CACNB2: variants seen among roughly 807,000 people sequenced by gnomAD.
CACNB2 encodes the protein calcium voltage-gated channel auxiliary subunit beta 2.
Under a neutral mutation model 73.3 loss-of-function variants are expected in CACNB2, and 42 were observed. The ratio of observed to expected loss-of-function variants is 0.57; its 90% CI spans 0.45 to 0.74. The LOEUF is 0.74. Ranked by LOEUF, CACNB2 falls within the 30% of genes least tolerant of loss-of-function variation. The probability of loss-of-function intolerance (pLI) is 0.00; values close to 1 mark genes in which losing one functional copy is unlikely to be tolerated. For synonymous variants in CACNB2, 348 were observed against 310.3 expected (o/e 1.12, Z -1.28); for missense variants, 940 against 853.0 (o/e 1.10, Z -1.27).
chr10:18,514,470 G>A (rs754983745), intron 7 of CACNB2, 101 bp downstream of exon 7: 22 of 1,613,668 alleles, frequency 1.4e-5, no homozygotes, highest in Non-Finnish European at 1.7e-5. Flanking sequence ...AGCCAATAAC[G>A]TGCATGCTCT....
chr10:18,394,136 T>C (rs1458326024), intron 2 of CACNB2, among the ~76,000 whole-genome samples: 2 of 151,958 alleles, frequency 1.3e-5, no homozygotes, highest in Admixed American at 1.3e-4. Context: ...CAGACAGGGT[T>C]TCACCATATT....
At chr10:18,496,638 C>T (rs891620555) in intron 3 of CACNB2, among the ~76,000 whole-genome samples, 7 of 151,630 alleles carry the variant, frequency 4.6e-5, no homozygotes, top group Non-Finnish European at 8.8e-5. Flanking sequence ...TATGGTGAAA[C>T]GCCATCTCTA....
At chr10:18,217,353 G>A (rs2035553500) in intron 2 of CACNB2, among the ~76,000 whole-genome samples, 1 of 152,020 alleles carries the variant, frequency 6.6e-6, no homozygotes. Flanking sequence ...GCAGAGTGGT[G>A]TGCGCCTATA....
chr10:18,254,214 C>A (rs957513127), intron 2 of CACNB2, among the ~76,000 whole-genome samples: 1 of 152,190 alleles, frequency 6.6e-6, no homozygotes. Context: ...ATTTGATTTT[C>A]AAGTTTTTGT....
intron 7 of CACNB2, chr10:18,515,146 A>C (rs954966306): frequency 2.2e-6 from 2 of 906,694 alleles, no homozygotes; most frequent in Non-Finnish European, 3.6e-6. Flanking sequence ...GCCAGTGGTC[A>C]TGCGTAGAGC....
chr10:18,373,829 A>C (rs1212062857), intron 2 of CACNB2, among the ~76,000 whole-genome samples: 1 of 152,194 alleles, frequency 6.6e-6, no homozygotes. Context: ...TACTGAAGAC[A>C]TTGGTGCTTG....
chr10:18,204,911 T>C (rs1456789988), intron 2 of CACNB2, among the ~76,000 whole-genome samples: 1 of 150,204 alleles, frequency 6.7e-6, no homozygotes, highest in African/African-American at 2.5e-5. Flanking sequence ...ATGCCACAAA[T>C]ATTTAATGAG....
intron 2 of CACNB2, among the ~76,000 whole-genome samples, chr10:18,380,366 A>G (rs956803406): frequency 1.8e-4 from 28 of 152,016 alleles, no homozygotes; most frequent in African/African-American, 6.0e-4. Flanking sequence ...CATTCTTTGC[A>G]TAGGGGTCAG....
intron 2 of CACNB2, among the ~76,000 whole-genome samples, chr10:18,265,022 G>T (rs772182888): frequency 2.6e-5 from 4 of 151,984 alleles, no homozygotes; most frequent in Non-Finnish European, 5.9e-5. Flanking sequence ...ACCTAGTATT[G>T]TCATTTGCAT....
intron 3 of CACNB2, among the ~76,000 whole-genome samples, chr10:18,495,148 A>G (rs2049713616): frequency 6.6e-6 from 1 of 152,094 alleles, no homozygotes; most frequent in Admixed American, 6.6e-5. Flanking sequence ...TCAAAGCAGA[A>G]TATTTTTCAT....
intron 2 of CACNB2, among the ~76,000 whole-genome samples, chr10:18,326,450 T>C (rs1355621080): frequency 6.6e-6 from 1 of 152,136 alleles, no homozygotes; most frequent in East Asian, 1.9e-4. Flanking sequence ...GAGCAGAAAA[T>C]TCGTGGTGTT....
At chr10:18,161,995 A>G (rs2032502708) in intron 2 of CACNB2, among the ~76,000 whole-genome samples, 1 of 152,214 alleles carries the variant, frequency 6.6e-6, no homozygotes, top group Non-Finnish European at 1.5e-5. Flanking sequence ...ATTTCATGAC[A>G]GCCATGAATA....
intron 2 of CACNB2, among the ~76,000 whole-genome samples, chr10:18,366,466 A>G (rs1256526038): frequency 1.7e-5 from 2 of 115,326 alleles, no homozygotes; most frequent in East Asian, 2.2e-4. Context: ...CTCCGTCTCA[A>G]AAAAAAAAAA....
intron 2 of CACNB2, among the ~76,000 whole-genome samples, chr10:18,333,250 T>C (rs776947968): frequency 2.6e-5 from 4 of 152,182 alleles, no homozygotes; most frequent in Non-Finnish European, 4.4e-5. Context: ...TGGCTCTGAT[T>C]TGAATAAAGT....
intron 2 of CACNB2, among the ~76,000 whole-genome samples, chr10:18,386,110 A>G (rs2043219247): frequency 6.6e-6 from 1 of 152,152 alleles, no homozygotes; most frequent in Admixed American, 6.5e-5. Context: ...TTTGCTTGTA[A>G]TCTTTGCCAA....
At position 18,540,382 on chromosome 10, in the gene CACNB2, A is replaced by AAGTC. The variant is rs1171341462; in HGVS notation, c.*661_*664dup. On this transcript the variant is annotated 3_prime_UTR_variant, in exon 14 of 14. Coordinates refer to ENST00000324631, the MANE Select transcript of CACNB2 (RefSeq NM_201596.3). ...CACACTATTTTAGAGTCTTAATGCC[A>AAGTC]AGTCAGCAGATTTGCTTTATGAATT... 11 of 152,370 alleles carry AAGTC rather than the reference A, an allele frequency of 7.2e-5. No individual in the cohort carries two copies. The highest frequency in any genetic ancestry group is 1.6e-4 in the Non-Finnish European group (11 of 67,990). The allele number at this position is 152,370 out of a possible 1,614,324, so 9.4% of individuals were successfully genotyped here.
intron 10 of CACNB2, among the ~76,000 whole-genome samples, chr10:18,530,833 C>A (rs1308835478): frequency 6.6e-6 from 1 of 152,146 alleles, no homozygotes; most frequent in African/African-American, 2.4e-5. Context: ...GATTAGAATA[C>A]TTAGGTTCTA....
chr10:18,529,230 T>C (rs532690020), intron 10 of CACNB2, among the ~76,000 whole-genome samples: 50 of 151,962 alleles, frequency 3.3e-4, no homozygotes, highest in South Asian at 1.4e-3. Context: ...ACAGATTTCC[T>C]TAGATTGCCA....
intron 3 of CACNB2, among the ~76,000 whole-genome samples, chr10:18,481,728 T>C (rs2048788933): frequency 6.6e-6 from 1 of 152,160 alleles, no homozygotes; most frequent in African/African-American, 2.4e-5. Flanking sequence ...TTCCCTGAGA[T>C]TGTACTCTTA....
Sources: allele counts gnomAD v4.1 joint callset (sites outside exome capture counted in the v4.1 genomes callset), GRCh38; gene constraint gnomAD v4.1.1; transcripts MANE v1.5; gene names NCBI Gene and HGNC (gene_info 2026-07-23, HGNC 2026-07-21).